The following AGO3 variants were observed in gnomAD, a reference collection of about 807,000 sequenced individuals.
AGO3 encodes the protein argonaute RISC catalytic component 3.
In AGO3, 16 loss-of-function variants were observed where a neutral mutation model predicts 105.5. That is an observed-to-expected ratio of 0.15 (90% CI 0.10 to 0.23). The LOEUF (loss-of-function observed/expected upper bound fraction) is 0.23. Among genes scored for constraint, AGO3 ranks in the 10% least tolerant of loss-of-function variants. The pLI, the probability that AGO3 is intolerant of heterozygous loss-of-function variation, is 1.00. For missense variants in AGO3, 534 were observed against 1,088.0 expected, an observed-to-expected ratio of 0.49 and a Z score of 7.16; for synonymous variants, 340 against 367.3, an observed-to-expected ratio of 0.93 and a Z score of 0.85.
intron 11 of AGO3, 48 bp downstream of exon 11, chr1:36,014,096 T>A (rs1362426828): frequency 6.2e-7 from 1 of 1,610,000 alleles, no homozygotes; most frequent in Admixed American, 1.7e-5. Flanking sequence ...GTGTTTAGAC[T>A]TTAAATTACT....
In AGO3 at chr1:36,018,956, T is replaced by G. The variant is rs75901771; in HGVS notation, c.1406+4908T>G. 1.4e-4 allele frequency among the ~76,000 whole-genome samples: 22 copies of G among 152,116 alleles called. No individual in the cohort carries two copies. The East Asian group carries it at 3.3e-3, about 23-fold the overall frequency. ...AGAAACTTACCTCATTAGCTTTACC[T>G]TAAGTTCTCCCTCTGATGGGTGTGT... On this transcript the variant is annotated intron_variant, in intron 11 of 18. Coordinates refer to ENST00000373191, the MANE Select transcript of AGO3 (RefSeq NM_024852.4).
intron 5 of AGO3, among the ~76,000 whole-genome samples, chr1:35,986,974 C>T (rs1647207390): frequency 6.8e-6 from 1 of 148,026 alleles, no homozygotes; most frequent in African/African-American, 2.5e-5. Flanking sequence ...CCAGCCTGGG[C>T]GACAGAGTAA....
At chr1:36,007,132 A>G (rs1640372066) in intron 6 of AGO3, among the ~76,000 whole-genome samples, 1 of 152,198 alleles carries the variant, frequency 6.6e-6, no homozygotes, top group South Asian at 2.1e-4. Context: ...GACATTGCCA[A>G]ATGTCCCCTG....
At chr1:35,972,458 T>A (rs1330087586) in intron 4 of AGO3, among the ~76,000 whole-genome samples, 1 of 152,202 alleles carries the variant, frequency 6.6e-6, no homozygotes, top group Non-Finnish European at 1.5e-5. Context: ...CATGAATAAT[T>A]TTATAGAAAA....
intron 17 of AGO3, among the ~76,000 whole-genome samples, chr1:36,054,409 A>G (rs1569963097): frequency 6.6e-6 from 1 of 151,788 alleles, no homozygotes; most frequent in Non-Finnish European, 1.5e-5. Flanking sequence ...AGTAGCTGGG[A>G]CTACAGGTGC....
rs1386111189 is a variant in AGO3, at chr1:36,039,786, C to G, written c.1843-4C>G. The G allele has an allele frequency of 2.1e-6, 3 of 1,401,568 alleles. No individual in the cohort carries two copies. The highest frequency in any genetic ancestry group is 2.8e-6 in the Non-Finnish European group (3 of 1,068,194). The allele number at this position is 1,401,568 out of a possible 1,614,324, so 86.8% of individuals were successfully genotyped here. ...ATTTATTTATTTTACTTTTTCTAAC[C>G]TAGGTTGTAGGTAGTATGGATGCAC... On this transcript the variant is annotated splice_region_variant and splice_polypyrimidine_tract_variant and intron_variant, in intron 14 of 18. Transcript: ENST00000373191.
At chr1:35,979,181 G>A (rs1190554572) in intron 5 of AGO3, among the ~76,000 whole-genome samples, 3 of 152,036 alleles carry the variant, frequency 2.0e-5, no homozygotes, top group Admixed American at 6.5e-5. Flanking sequence ...TGGCTAACAC[G>A]GTGAAACCCC....
At chr1:35,983,375 C>T (rs1647091780) in intron 5 of AGO3, 1 of 133,644 alleles carries the variant, frequency 7.5e-6, no homozygotes, top group African/African-American at 2.9e-5. Context: ...AGTTTGCGAT[C>T]AGGCTGAACA....
chr1:36,019,500 A>T (rs554039964), intron 11 of AGO3, among the ~76,000 whole-genome samples: 30 of 152,308 alleles, frequency 2.0e-4, no homozygotes, highest in Admixed American at 2.0e-3. Flanking sequence ...GCAATGTTCT[A>T]TGAGAGAAAC....
intron 9 of AGO3, among the ~76,000 whole-genome samples, chr1:36,010,677 G>A (rs947139065): frequency 2.6e-5 from 4 of 151,692 alleles, no homozygotes; most frequent in Non-Finnish European, 5.9e-5. Flanking sequence ...GGAGGCCGAG[G>A]GGGGCGGATC....
rs1643038154 is a variant in AGO3 at position 36,062,422 on chromosome 1, T to C, written c.*6677T>C. ...TGAGAAAGCAAAATGATAATCTCTA[T>C]TGTTAGAGAAATTTTCTTTTCTAGA... On this transcript the variant is annotated 3_prime_UTR_variant, in exon 19 of 19. Coordinates refer to ENST00000373191, the MANE Select transcript of AGO3 (RefSeq NM_024852.4). 6.6e-6 allele frequency: 1 copy of C among 152,168 alleles called. No individual in the cohort carries two copies. The highest frequency in any genetic ancestry group is 6.6e-5 in the Admixed American group (1 of 15,264). The allele number at this position is 152,168 out of a possible 1,614,324, so 9.4% of individuals were successfully genotyped here.
intron 2 of AGO3, among the ~76,000 whole-genome samples, chr1:35,950,454 G>C (rs1433412838): frequency 6.6e-6 from 1 of 152,178 alleles, no homozygotes; most frequent in Non-Finnish European, 1.5e-5. Flanking sequence ...GGAAATGCTA[G>C]TGAATCATTT....
intron 5 of AGO3, among the ~76,000 whole-genome samples, chr1:36,003,709 A>AAAAAAAAAAAAATAT (rs1295618675): frequency 5.0e-5 from 5 of 99,444 alleles, no homozygotes; most frequent in African/African-American, 8.1e-5. Context: ...AAAAAAAAAA[A>AAAAAAAAAAAAATAT]ATATATATAT....
chr1:35,983,928 T>C (rs879728136), intron 5 of AGO3, among the ~76,000 whole-genome samples: 6 of 152,020 alleles, frequency 3.9e-5, no homozygotes, highest in Admixed American at 3.9e-4. Flanking sequence ...GGTATGAAAA[T>C]CTATAATGGT....
At chr1:36,044,393 T>C (rs1642374209) in intron 17 of AGO3, among the ~76,000 whole-genome samples, 2 of 151,960 alleles carry the variant, frequency 1.3e-5, no homozygotes, top group Non-Finnish European at 2.9e-5. Flanking sequence ...CTTTAGTTTT[T>C]TTTTGTTGTT....
chr1:36,027,350 G>A lies in AGO3; in HGVS notation c.1591+52G>A. 4 of 1,460,828 alleles carry A rather than the reference G, an allele frequency of 2.7e-6. No homozygotes were observed. The highest frequency in any genetic ancestry group is 1.4e-5 in the South Asian group (1 of 70,376). 90.5% of individuals were successfully genotyped at this position (1,460,828 alleles called of 1,614,324 possible). ...TCCTCAAGTACTTGATGTCCTTTTAGGATTATACTGAAACATATCCTAAAA... is the reference window on the plus strand; with the variant it reads ...TCCTCAAGTACTTGATGTCCTTTTAAGATTATACTGAAACATATCCTAAAA... On this transcript the variant is annotated intron_variant, in intron 12 of 18. Transcript: ENST00000373191. The surrounding 1 kb of genome is among the most constrained non-coding windows in gnomAD (Gnocchi z 4.0).
intron 5 of AGO3, among the ~76,000 whole-genome samples, chr1:36,003,709 A>AAAAAAATATAT (rs1295618675): frequency 1.7e-4 from 17 of 99,432 alleles, no homozygotes; most frequent in East Asian, 1.5e-3. Context: ...AAAAAAAAAA[A>AAAAAAATATAT]ATATATATAT....
chr1:36,011,884 T>C (rs1359870737), intron 9 of AGO3, among the ~76,000 whole-genome samples: 1 of 152,200 alleles, frequency 6.6e-6, no homozygotes, highest in Non-Finnish European at 1.5e-5. Flanking sequence ...AAAATACTTG[T>C]GAAAATGTAT....
chr1:36,054,838 C>T (rs1429901501), intron 17 of AGO3, 108 bp from the exon 18 acceptor site: 8 of 1,030,820 alleles, frequency 7.8e-6, no homozygotes, highest in East Asian at 2.4e-5. Context: ...TCTGAGATCA[C>T]GCCATTGCAC....
Sources: gnomAD v4.1 joint callset for allele counts (sites outside exome capture counted in the v4.1 genomes callset) on GRCh38, gnomAD v4.1.1 for gene constraint, Gnocchi (gnomAD v3.1) non-coding constraint, MANE v1.5 for transcripts, NCBI Gene and HGNC (gene_info 2026-07-23, HGNC 2026-07-21) for gene names.